Variants in MEF2A observed in about 807,000 individuals in gnomAD.
The protein encoded by MEF2A is myocyte enhancer factor 2A, also known as myocyte-specific enhancer factor 2A.
A neutral mutation model predicts 55.8 loss-of-function variants in MEF2A; 28 were observed. That is an observed-to-expected ratio of 0.50 (90% CI 0.37 to 0.69). The LOEUF is 0.69. Ranked by LOEUF, MEF2A falls within the 30% of genes least tolerant of loss-of-function variation. The pLI, the probability that MEF2A is intolerant of heterozygous loss-of-function variation, is 0.00. For synonymous variants in MEF2A, 239 were observed against 227.1 expected, an observed-to-expected ratio of 1.05 and a Z score of -0.47; for missense variants, 528 against 626.2, an observed-to-expected ratio of 0.84 and a Z score of 1.67.
At position 99,712,686 on chromosome 15, in the gene MEF2A, C is replaced by T. The variant is rs1224480388; in HGVS notation, c.1433C>T (p.Pro478Leu). 6.4e-7 allele frequency: 1 copy of T among 1,562,008 alleles called. No homozygotes were observed. Reference protein sequence around the residue: ...REDPRGDFHSPIVLGRPPNTE... With the variant: ...REDPRGDFHSLIVLGRPPNTE... Reference sequence around the variant, plus strand: ...GATCCACGGGGCGACTTCCATTCTCCAATTGTGCTTGGCCGACCCCCAAAC... The same window carrying T: ...GATCCACGGGGCGACTTCCATTCTCTAATTGTGCTTGGCCGACCCCCAAAC... Residue 478 changes from proline to leucine, a missense_variant, in exon 12 of 12, where the codon CCA (proline) becomes CTA (leucine). Physicochemically the swap from Pro to Leu is moderately conservative, Grantham distance 98. Transcript: ENST00000557942. The surrounding 1 kb of genome is among the most constrained non-coding windows in gnomAD (Gnocchi z 4.1).
intron 1 of MEF2A, among the ~76,000 whole-genome samples, chr15:99,568,821 AC>A (rs1398461670): frequency 6.6e-6 from 1 of 152,122 alleles, no homozygotes; most frequent in Non-Finnish European, 1.5e-5. Flanking sequence ...ATCAGACCAT[AC>A]CCCGGTTACT....
intron 7 of MEF2A, among the ~76,000 whole-genome samples, chr15:99,687,590 A>G (rs1023681214): frequency 1.3e-5 from 2 of 152,106 alleles, no homozygotes; most frequent in African/African-American, 4.8e-5. Context: ...ATTTATCCAT[A>G]ATGCCTGCCT....
chr15:99,570,375 A>G (rs893790901), intron 1 of MEF2A, among the ~76,000 whole-genome samples: 3 of 152,208 alleles, frequency 2.0e-5, no homozygotes, highest in African/African-American at 7.2e-5. Context: ...CAAAATAAAC[A>G]AGAAAACATG....
chr15:99,700,519 C>CA (rs2057263967), intron 8 of MEF2A, among the ~76,000 whole-genome samples: 1 of 151,662 alleles, frequency 6.6e-6, no homozygotes, highest in Non-Finnish European at 1.5e-5. Context: ...CACACACACA[C>CA]AAAAAAGGTA....
At chr15:99,687,508 T>G (rs940184648) in intron 7 of MEF2A, among the ~76,000 whole-genome samples, 1 of 152,224 alleles carries the variant, frequency 6.6e-6, no homozygotes, top group African/African-American at 2.4e-5. Flanking sequence ...AGCTGTGGAT[T>G]ATCCAGGCTT....
chr15:99,675,105 C>A (rs1156934569), intron 6 of MEF2A, among the ~76,000 whole-genome samples: 1 of 152,154 alleles, frequency 6.6e-6, no homozygotes, highest in Non-Finnish European at 1.5e-5. Context: ...TTTAATCATA[C>A]TCCTTACACA....
At chr15:99,601,102 C>G (rs565734635) in intron 2 of MEF2A, among the ~76,000 whole-genome samples, 1 of 152,202 alleles carries the variant, frequency 6.6e-6, no homozygotes, top group South Asian at 2.1e-4. Flanking sequence ...GTGCAGTGGT[C>G]TGACACATAG....
intron 9 of MEF2A, 23 bp from the exon 10 acceptor site, chr15:99,706,706 T>C (rs1177504874): frequency 6.2e-7 from 1 of 1,609,216 alleles, no homozygotes; most frequent in Non-Finnish European, 8.5e-7. Context: ...TCAGAACACA[T>C]TTTCTCTTTT....
intron 2 of MEF2A, among the ~76,000 whole-genome samples, chr15:99,613,893 A>G (rs888915247): frequency 3.3e-5 from 5 of 152,222 alleles, no homozygotes; most frequent in Admixed American, 6.5e-5. Context: ...ATATTCTACT[A>G]CTGAAAAGTA....
intron 2 of MEF2A, among the ~76,000 whole-genome samples, chr15:99,605,706 G>C (rs371032728): frequency 6.6e-6 from 1 of 151,038 alleles, no homozygotes; most frequent in African/African-American, 2.4e-5. Context: ...GCAGTGGCTC[G>C]TGTCTGTAAT....
At chr15:99,586,839 A>C (rs1429290620) in intron 1 of MEF2A, among the ~76,000 whole-genome samples, 14 of 152,160 alleles carry the variant, frequency 9.2e-5, no homozygotes, top group Non-Finnish European at 1.5e-5. Context: ...ACTTCTGTGA[A>C]TGTTATGAGG....
chr15:99,618,431 A>T (rs538698824), intron 2 of MEF2A, among the ~76,000 whole-genome samples: 1 of 152,328 alleles, frequency 6.6e-6, no homozygotes, highest in South Asian at 2.1e-4. Context: ...AGGGTAAAAA[A>T]TGCCCTAAAG....
chr15:99,603,659 C>T (rs1172320352), intron 2 of MEF2A, among the ~76,000 whole-genome samples: 1 of 151,138 alleles, frequency 6.6e-6, no homozygotes, highest in Non-Finnish European at 1.5e-5. Context: ...CCTTAGCCTC[C>T]CAAAGTGCTG....
intron 2 of MEF2A, among the ~76,000 whole-genome samples, chr15:99,621,688 A>G (rs1432302220): frequency 6.6e-6 from 1 of 152,198 alleles, no homozygotes; most frequent in Non-Finnish European, 1.5e-5. Context: ...TCACTTGTCC[A>G]TGACCATCTC....
intron 11 of MEF2A, 108 bp downstream of exon 11, chr15:99,710,868 A>T: frequency 7.9e-7 from 1 of 1,268,988 alleles, no homozygotes; most frequent in Non-Finnish European, 1.1e-6. Flanking sequence ...GGAATCCTGT[A>T]ATGATTCCTT....
intron 4 of MEF2A, among the ~76,000 whole-genome samples, chr15:99,670,810 G>A (rs2050733043): frequency 6.6e-6 from 1 of 152,170 alleles, no homozygotes; most frequent in African/African-American, 2.4e-5. Context: ...AGTTATACAG[G>A]AAAGTGAATA....
intron 8 of MEF2A, among the ~76,000 whole-genome samples, chr15:99,694,951 A>G (rs548709456): frequency 7.5e-5 from 11 of 147,108 alleles, no homozygotes; most frequent in African/African-American, 2.5e-5. Context: ...CTTGATTCCT[A>G]TGTCCCTTTG....
intron 3 of MEF2A, among the ~76,000 whole-genome samples, chr15:99,640,836 C>T (rs746199345): frequency 6.6e-5 from 10 of 152,050 alleles, no homozygotes; most frequent in Non-Finnish European, 1.2e-4. Flanking sequence ...GTGTGAGCCA[C>T]GGCGCCCAGC....
chr15:99,605,926 T>C (rs548190540), intron 2 of MEF2A, among the ~76,000 whole-genome samples: 2 of 152,272 alleles, frequency 1.3e-5, no homozygotes, highest in East Asian at 1.9e-4. Flanking sequence ...GCCGAGATCA[T>C]GCCCTGTGTT....
Sources: gnomAD v4.1 joint callset for allele counts (sites outside exome capture counted in the v4.1 genomes callset) on GRCh38, gnomAD v4.1.1 for gene constraint, Gnocchi (gnomAD v3.1) non-coding constraint, MANE v1.5 for transcripts, NCBI Gene and HGNC (gene_info 2026-07-23, HGNC 2026-07-21) for gene names.